Variants in KCNAB3 observed in about 807,000 individuals in gnomAD.
The protein encoded by KCNAB3 is voltage-gated potassium channel subunit beta-3.
Under a neutral mutation model 67.7 loss-of-function variants are expected in KCNAB3, and 62 were observed. The observed-to-expected ratio is 0.92, with a 90% CI of 0.75 to 1.13. The LOEUF is 1.13. KCNAB3 is among the 50% of genes most tolerant of loss of function. KCNAB3 has a pLI of 0.00. For missense variants in KCNAB3, 514 were observed against 522.9 expected (o/e 0.98, Z 0.17); for synonymous variants, 212 against 205.4 (o/e 1.03, Z -0.27).
Position 7,923,026 on chromosome 17 carries a change from C to T in KCNAB3, c.*76G>A, listed in dbSNP as rs1972088515. The T allele has an allele frequency of 2.2e-6, 3 of 1,391,284 alleles. No individual in the cohort carries two copies. The highest frequency in any genetic ancestry group is 1.4e-5 in the African/African-American group (1 of 70,424). 86.2% of individuals were successfully genotyped at this position (1,391,284 alleles called of 1,614,324 possible). A position where few individuals can be genotyped will look rare whatever the true frequency, so the allele number is the denominator to read the frequency against. On this transcript the variant is annotated 3_prime_UTR_variant, in exon 14 of 14. Transcript: ENST00000303790. ...GGCCGCTGCGTGGAGGGATCCGGAG[C>T]GGGAGAGGCGGCTGCGAGGAGCGGG...
chr17:7,928,991 G>A, intron 1 of KCNAB3: 1 of 814,700 alleles, frequency 1.2e-6, no homozygotes, highest in South Asian at 1.8e-5. Context: ...AGTCAACCTT[G>A]GTAAACTTGA....
chr17:7,929,740 A>C lies in KCNAB3; in HGVS notation c.-305T>G. 1 of 1,245,740 alleles carries C rather than the reference A, an allele frequency of 8.0e-7. No homozygotes were observed. The highest frequency in any genetic ancestry group is 1.0e-6 in the Non-Finnish European group (1 of 987,016). The allele number at this position is 1,245,740 out of a possible 1,614,324, so 77.2% of individuals were successfully genotyped here. ...TGAGGGTAAAGGTCGAGGATGAGGTAAAGGTCTCGGAGGATAAGGACCCAG... is the reference window on the plus strand; with the variant it reads ...TGAGGGTAAAGGTCGAGGATGAGGTCAAGGTCTCGGAGGATAAGGACCCAG... On this transcript the variant is annotated 5_prime_UTR_variant, in exon 1 of 14. Transcript: ENST00000303790. The surrounding 1 kb of genome is among the most constrained non-coding windows in gnomAD (Gnocchi z 5.7).
At chr17:7,925,385 C>T (rs531959291) in intron 7 of KCNAB3, 6 of 592,996 alleles carry the variant, frequency 1.0e-5, no homozygotes, top group South Asian at 9.7e-5. Context: ...AAAAATTAGC[C>T]AGGCGTGGTG....
At chr17:7,927,085 G>A in intron 4 of KCNAB3, 1 of 484,996 alleles carries the variant, frequency 2.1e-6, no homozygotes, top group Non-Finnish European at 3.8e-6. Flanking sequence ...CATCTTTGTA[G>A]TTGCACATAA....
In KCNAB3 at chr17:7,923,106, T is replaced by C. The variant is rs779301895; in HGVS notation, c.1211A>G (p.Lys404Arg). ...GLLGNKPHSK[K>R] ...GGTCCCTGCGCCCGCGACAGACTAC[T>C]TCTTGGAATGCGGCTTGTTTCCCAG... Residue 404 changes from lysine to arginine, a missense_variant, in exon 14 of 14, where the codon AAG becomes AGG. Coordinates refer to ENST00000303790, the MANE Select transcript of KCNAB3 (RefSeq NM_004732.4). 27 of 1,614,002 alleles carry C rather than the reference T, an allele frequency of 1.7e-5. 1 individual carries two copies. Among genetic ancestry groups the C allele is most frequent in the Non-Finnish European group, 5.1e-6 (6 of 1,179,986 alleles).
Position 7,929,831 on chromosome 17 carries a change from A to AT in KCNAB3, c.-397_-396insA. ...CCGCTGCGGGACCCGCTGGGCTCCCAGCCGCGTCGGCAGCGGGCCCAGCTC... is the reference window on the plus strand; with the variant it reads ...CCGCTGCGGGACCCGCTGGGCTCCCATGCCGCGTCGGCAGCGGGCCCAGCTC... On this transcript the variant is annotated 5_prime_UTR_variant, in exon 1 of 14. The change creates a new upstream start codon in the 5' untranslated region. Transcript: ENST00000303790. This position sits in a 1 kb window ranked among gnomAD's most constrained non-coding sequence, Gnocchi z 5.7. The AT allele has an allele frequency of 1.4e-5, 14 of 1,029,204 alleles. No homozygotes were observed. Among genetic ancestry groups the AT allele is most frequent in the Admixed American group, 1.1e-4 (2 of 18,168 alleles). The allele number at this position is 1,029,204 out of a possible 1,614,324, so 63.8% of individuals were successfully genotyped here.
Position 7,927,395 on chromosome 17 carries a change from T to C in KCNAB3, c.353A>G (p.Tyr118Cys), listed in dbSNP as rs527702902. The C allele has an allele frequency of 9.9e-5, 160 of 1,614,002 alleles. 1 individual carries two copies. The South Asian group carries it at 1.5e-3, about 15-fold the overall frequency. ...GTCAAACAGGTTTACACCATGCTCATAGGCTACAGTCAGCACATCCTCTGC... is the reference window on the plus strand; with the variant it reads ...GTCAAACAGGTTTACACCATGCTCACAGGCTACAGTCAGCACATCCTCTGC... The part of the protein sequence containing the change: ...ETAEDVLTVA[Y>C]EHGVNLFDTA... The change falls in exon 4 of 14, where the codon TAT (tyrosine) becomes TGT (cysteine). Residue 118 changes from tyrosine to cysteine, a missense_variant. By Grantham distance (194) the Tyr-to-Cys change is radical (BLOSUM62 -2). Coordinates refer to ENST00000303790, the MANE Select transcript of KCNAB3 (RefSeq NM_004732.4).
At chr17:7,925,812 C>T (rs542069128) in intron 6 of KCNAB3, 86 bp from the exon 7 acceptor site, 9 of 1,596,094 alleles carry the variant, frequency 5.6e-6, no homozygotes, top group East Asian at 4.5e-5. Flanking sequence ...TGGGATTGCA[C>T]GAGTCTTCAC....
intron 4 of KCNAB3, 120 bp from the exon 5 acceptor site, chr17:7,926,223 C>A (rs780195384): frequency 5.5e-6 from 6 of 1,098,504 alleles, no homozygotes; most frequent in Non-Finnish European, 8.1e-6. Flanking sequence ...TTTCAGCTCA[C>A]AGCCCCATCC....
In KCNAB3 at chr17:7,929,482, G is replaced by T; in HGVS notation, c.-47C>A. On this transcript the variant is annotated 5_prime_UTR_variant, in exon 1 of 14. Coordinates refer to ENST00000303790, the MANE Select transcript of KCNAB3 (RefSeq NM_004732.4). This position sits in a 1 kb window ranked among gnomAD's most constrained non-coding sequence, Gnocchi z 5.7. ...AGGGGGCTCCGAGGGGACGGGAGGG[G>T]GGAGCAGGGAAGCCCGAGGGCTGAC... is the stretch of plus-strand genomic sequence containing the variant. 2.6e-6 allele frequency: 4 copies of T among 1,540,334 alleles called. No individual in the cohort carries two copies. The highest frequency in any genetic ancestry group is 3.5e-6 in the Non-Finnish European group (4 of 1,142,220).
At chr17:7,924,538 C>A in intron 8 of KCNAB3, 38 bp from the exon 9 acceptor site, 1 of 1,574,946 alleles carries the variant, frequency 6.3e-7, no homozygotes, top group Non-Finnish European at 8.6e-7. Context: ...ACTGTCAGAG[C>A]CCTGGAATCT....
Position 7,929,219 on chromosome 17 carries a change from C to T in KCNAB3, c.217G>A (p.Gly73Ser). The stretch of plus-strand genomic sequence containing the variant: ...CTGTATTTCATGCCAGTGCCTCGGC[C>T]GGTGCTCTCTCGGAGGGCCCCAGCG... ...APAGALREST[G>S]RGTGMKYRNL... Residue 73 changes from glycine (G) to serine (S), a missense_variant, in exon 1 of 14, where the codon GGC becomes AGC. Gly to Ser is a moderately conservative substitution (Grantham distance 56). Transcript: ENST00000303790. This position sits in a 1 kb window ranked among gnomAD's most constrained non-coding sequence, Gnocchi z 5.7. 1.9e-6 allele frequency: 3 copies of T among 1,611,748 alleles called. No individual in the cohort carries two copies. The highest frequency in any genetic ancestry group is 1.7e-6 in the Non-Finnish European group (2 of 1,179,520).
Position 7,926,073 on chromosome 17 carries a change from CT to C in KCNAB3, c.434del (p.Lys145ArgfsTer28). ...KAERTLGNIL[K>X]SKGWRRSSYV... is the part of the protein sequence containing the mutation. ...AACAGTCTCACCTCCAACCTTTGCT[CT>C]TGAGGATGTTCCCTAGGGTTCTTTC... is the stretch of plus-strand genomic sequence containing the variant. On this transcript the variant is annotated frameshift_variant, in exon 5 of 14. Coordinates refer to ENST00000303790, the MANE Select transcript of KCNAB3 (RefSeq NM_004732.4). LOFTEE classifies it high-confidence loss of function. The C allele has an allele frequency of 6.2e-7, 1 of 1,614,138 alleles. No individual in the cohort carries two copies. Among genetic ancestry groups the C allele is most frequent in the Non-Finnish European group, 8.5e-7 (1 of 1,180,022 alleles).
In KCNAB3 at chr17:7,929,820, GCTGGGC is replaced by G; in HGVS notation, c.-391_-386del. The G allele has an allele frequency of 6.8e-6, 7 of 1,022,708 alleles. No homozygotes were observed. Among genetic ancestry groups the G allele is most frequent in the Admixed American group, 6.0e-5 (1 of 16,802 alleles). The allele number at this position is 1,022,708 out of a possible 1,614,324, so 63.4% of individuals were successfully genotyped here. Reference sequence around the variant, plus strand: ...TTCAGCGCGAACCGCTGCGGGACCCGCTGGGCTCCCAGCCGCGTCGGCAGCGGGCCC... The same window carrying G: ...TTCAGCGCGAACCGCTGCGGGACCCGTCCCAGCCGCGTCGGCAGCGGGCCC... On this transcript the variant is annotated 5_prime_UTR_variant, in exon 1 of 14. Coordinates refer to ENST00000303790, the MANE Select transcript of KCNAB3 (RefSeq NM_004732.4). This position sits in a 1 kb window ranked among gnomAD's most constrained non-coding sequence, Gnocchi z 5.7.
At position 7,924,051 on chromosome 17, in the gene KCNAB3, C is replaced by G. The variant is rs1295637415; in HGVS notation, c.844G>C (p.Val282Leu). ...CCACAGGCTAGAGGGTACCAAGTGA[C>G]TGATCCAACTCCTAAGGGAAGAACA... The part of the protein sequence containing the change: ...ELYHKIGVGS[V>L]TWYPLACGLI... The change falls in exon 11 of 14, where the codon GTC becomes CTC. Residue 282 changes from valine (V) to leucine (L), a missense_variant. Coordinates refer to ENST00000303790, the MANE Select transcript of KCNAB3 (RefSeq NM_004732.4). The G allele has an allele frequency of 6.2e-7, 1 of 1,614,124 alleles. No individual in the cohort carries two copies. The highest frequency in any genetic ancestry group is 1.1e-5 in the South Asian group (1 of 91,086).
rs1025440535 is a variant in KCNAB3, at chr17:7,924,433, C to T, written c.693G>A (p.Trp231Ter). ...CACTCACCATGATTTCTGCAGCCCC[C>T]CATCGGGATGTCCCCCAGTATAGGG... ...GLALYWGTSRWGAAEIMEAYS... is the reference protein window; with the variant it reads ...GLALYWGTSR Residue 231 changes from tryptophan to a stop codon, truncating the protein, a stop_gained, in exon 9 of 14, where the codon TGG (tryptophan) becomes TGA (stop). Transcript: ENST00000303790. LOFTEE classifies it high-confidence loss of function. 2 of 1,613,880 alleles carry T rather than the reference C, an allele frequency of 1.2e-6. No individual in the cohort carries two copies. Among genetic ancestry groups the T allele is most frequent in the Non-Finnish European group, 8.5e-7 (1 of 1,179,918 alleles).
Position 7,924,260 on chromosome 17 carries a change from G to T in KCNAB3, c.717C>A (p.Ala239=), listed in dbSNP as rs1250780854. The T allele has an allele frequency of 1.9e-6, 3 of 1,614,134 alleles. No homozygotes were observed. The highest frequency in any genetic ancestry group is 1.7e-5 in the Admixed American group (1 of 60,006). Residue 239 remains alanine (A), a synonymous_variant, in exon 10 of 14, where the codon GCC becomes GCA. Coordinates refer to ENST00000303790, the MANE Select transcript of KCNAB3 (RefSeq NM_004732.4). ...SRWGAAEIME[A]YSMARQFNLI... ...GATTGAACTGTCTGGCCATGGAGTA[G>T]GCCTCCTGGGTTGGGGTTGGGGAAA... is the stretch of plus-strand genomic sequence containing the variant.
In KCNAB3 at chr17:7,926,052, G is replaced by C; in HGVS notation, c.449+7C>G. Reference sequence around the variant, plus strand: ...ACATCCCCAGCAACCCCCCAAAACAGTCTCACCTCCAACCTTTGCTCTTGA... The same window carrying C: ...ACATCCCCAGCAACCCCCCAAAACACTCTCACCTCCAACCTTTGCTCTTGA... On this transcript the variant is annotated splice_region_variant and intron_variant, in intron 5 of 13. Transcript: ENST00000303790. 3.1e-6 allele frequency: 5 copies of C among 1,614,116 alleles called. No homozygotes were observed. Among genetic ancestry groups the C allele is most frequent in the Non-Finnish European group, 4.2e-6 (5 of 1,180,022 alleles).
chr17:7,925,216 C>A (rs112296000), intron 7 of KCNAB3, 33 bp from the exon 8 acceptor site: 1 of 1,570,508 alleles, frequency 6.4e-7, no homozygotes, highest in Non-Finnish European at 8.8e-7. Context: ...AAAATAAGCA[C>A]CTCAGCTTCA....
Sources: gnomAD v4.1 joint callset for allele counts on GRCh38, gnomAD v4.1.1 for gene constraint, Gnocchi (gnomAD v3.1) non-coding constraint, MANE v1.5 for transcripts, NCBI Gene and HGNC (gene_info 2026-07-23, HGNC 2026-07-21) for gene names.